The following RAP1GDS1 variants were observed in gnomAD, a reference collection of about 807,000 sequenced individuals.
The protein encoded by RAP1GDS1 is RAP1, GTP-GDP dissociation stimulator 1.
A neutral mutation model predicts 71.1 loss-of-function variants in RAP1GDS1; 35 were observed. That is an observed-to-expected ratio of 0.49 (90% CI 0.38 to 0.65). The LOEUF (loss-of-function observed/expected upper bound fraction) is 0.65, where lower values mean the gene tolerates loss of function less well. Ranked by LOEUF, RAP1GDS1 falls within the 30% of genes least tolerant of loss-of-function variation. The pLI, the probability that RAP1GDS1 is intolerant of heterozygous loss-of-function variation, is 0.00. For missense variants in RAP1GDS1, 663 were observed against 706.1 expected (o/e 0.94, Z 0.69); for synonymous variants, 229 against 243.1 (o/e 0.94, Z 0.54).
At chr4:98,377,223 G>A (rs1485899072) in intron 4 of RAP1GDS1, among the ~76,000 whole-genome samples, 1 of 151,770 alleles carries the variant, frequency 6.6e-6, no homozygotes, top group Non-Finnish European at 1.5e-5. Context: ...AATACTATTC[G>A]AGCTTTGCAA....
At chr4:98,436,918 A>G (rs1250882643) in intron 13 of RAP1GDS1, 22 bp from the exon 14 acceptor site, 2 of 1,582,416 alleles carry the variant, frequency 1.3e-6, no homozygotes, top group Non-Finnish European at 1.7e-6. Flanking sequence ...TACGCAGTAG[A>G]TATACTTTGT....
chr4:98,306,382 G>A (rs1157953524), intron 2 of RAP1GDS1, among the ~76,000 whole-genome samples: 1 of 152,162 alleles, frequency 6.6e-6, no homozygotes, highest in African/African-American at 2.4e-5. Flanking sequence ...ACAGAAGGTG[G>A]AAGGGAAGGA....
chr4:98,370,304 C>G (rs1374977943), intron 4 of RAP1GDS1, among the ~76,000 whole-genome samples: 1 of 151,930 alleles, frequency 6.6e-6, no homozygotes, highest in African/African-American at 2.4e-5. Context: ...AAATTTTACT[C>G]CTATTAAGTA....
intron 12 of RAP1GDS1, among the ~76,000 whole-genome samples, chr4:98,425,695 G>A (rs989833499): frequency 2.6e-5 from 4 of 152,212 alleles, no homozygotes; most frequent in African/African-American, 9.6e-5. Flanking sequence ...GAATATATAT[G>A]CACCAAACAC....
At chr4:98,394,333 A>AAAAGT (rs1246388895) in intron 6 of RAP1GDS1, among the ~76,000 whole-genome samples, 1 of 152,180 alleles carries the variant, frequency 6.6e-6, no homozygotes, top group African/African-American at 2.4e-5. Context: ...AGAGTCAAGG[A>AAAAGT]AAAGTATTAG....
At chr4:98,318,324 G>T (rs1731248570) in intron 2 of RAP1GDS1, among the ~76,000 whole-genome samples, 1 of 152,110 alleles carries the variant, frequency 6.6e-6, no homozygotes, top group Admixed American at 6.6e-5. Context: ...GGGTGGTTCT[G>T]AACCCTCTGT....
intron 1 of RAP1GDS1, among the ~76,000 whole-genome samples, chr4:98,286,313 T>C (rs1222766960): frequency 1.3e-5 from 2 of 151,778 alleles, no homozygotes; most frequent in Non-Finnish European, 2.9e-5. Flanking sequence ...GCCAAAGTAT[T>C]GTAGGCCTGT....
intron 1 of RAP1GDS1, among the ~76,000 whole-genome samples, chr4:98,289,718 T>G (rs1418246104): frequency 6.6e-6 from 1 of 152,130 alleles, no homozygotes; most frequent in African/African-American, 2.4e-5. Context: ...AGCTTCATTC[T>G]GTCAGATACT....
intron 2 of RAP1GDS1, among the ~76,000 whole-genome samples, chr4:98,325,829 G>A (rs1194698927): frequency 1.3e-5 from 2 of 149,480 alleles, no homozygotes; most frequent in Non-Finnish European, 3.0e-5. Context: ...GCTAGATGAC[G>A]AGTTAGTGGG....
chr4:98,362,580 T>TG (rs1007671781), intron 4 of RAP1GDS1, among the ~76,000 whole-genome samples: 1 of 143,918 alleles, frequency 6.9e-6, no homozygotes, highest in Non-Finnish European at 1.5e-5. Flanking sequence ...TTAATAGGAA[T>TG]GGGAAAAAAA....
chr4:98,435,016 C>G (rs548735670), intron 13 of RAP1GDS1, among the ~76,000 whole-genome samples: 2 of 152,174 alleles, frequency 1.3e-5, no homozygotes, highest in Admixed American at 6.5e-5. Flanking sequence ...GCTTTGGAGC[C>G]AACCCAAGAC....
intron 1 of RAP1GDS1, among the ~76,000 whole-genome samples, chr4:98,276,480 TA>T (rs1455063079): frequency 1.3e-5 from 2 of 150,996 alleles, no homozygotes; most frequent in African/African-American, 2.5e-5. Flanking sequence ...TTTTTTTACA[TA>T]CCCTTTTTTT....
intron 1 of RAP1GDS1, among the ~76,000 whole-genome samples, chr4:98,265,807 C>A (rs1054116492): frequency 1.3e-5 from 2 of 152,068 alleles, no homozygotes; most frequent in Admixed American, 6.5e-5. Flanking sequence ...TTAATAAGGT[C>A]TGTTTTTTCA....
At chr4:98,321,343 C>T (rs1032422966) in intron 2 of RAP1GDS1, among the ~76,000 whole-genome samples, 1 of 148,350 alleles carries the variant, frequency 6.7e-6, no homozygotes, top group Non-Finnish European at 1.5e-5. Context: ...TTGGAAAACA[C>T]TCTGCAGGAT....
intron 2 of RAP1GDS1, among the ~76,000 whole-genome samples, chr4:98,340,723 T>C (rs1735379492): frequency 6.6e-6 from 1 of 151,976 alleles, no homozygotes; most frequent in Non-Finnish European, 1.5e-5. Context: ...CACTCCAGCC[T>C]AGTTGAAAGA....
At chr4:98,376,421 A>T (rs1358981802) in intron 4 of RAP1GDS1, among the ~76,000 whole-genome samples, 1 of 152,036 alleles carries the variant, frequency 6.6e-6, no homozygotes, top group Non-Finnish European at 1.5e-5. Flanking sequence ...ACCAATTTAT[A>T]TGGACTTGTG....
At chr4:98,304,578 A>G (rs2110303673) in intron 2 of RAP1GDS1, among the ~76,000 whole-genome samples, 1 of 152,192 alleles carries the variant, frequency 6.6e-6, no homozygotes, top group Middle Eastern at 3.4e-3. Flanking sequence ...AGTTCCTTGT[A>G]AATTCTGGAT....
chr4:98,374,661 G>C (rs186718642), intron 4 of RAP1GDS1, among the ~76,000 whole-genome samples: 4 of 152,316 alleles, frequency 2.6e-5, no homozygotes, highest in African/African-American at 9.6e-5. Flanking sequence ...AGCCAGTCTA[G>C]TCAGGAGTCG....
chr4:98,288,057 T>A (rs534218383), intron 1 of RAP1GDS1, among the ~76,000 whole-genome samples: 42 of 152,284 alleles, frequency 2.8e-4, no homozygotes, highest in Admixed American at 1.4e-3. Context: ...TTACTATAAG[T>A]TTTAGGGTAC....
Sources: allele counts gnomAD v4.1 joint callset (sites outside exome capture counted in the v4.1 genomes callset), GRCh38; gene constraint gnomAD v4.1.1; transcripts MANE v1.5; gene names NCBI Gene and HGNC (gene_info 2026-07-23, HGNC 2026-07-21).